EFR3A: variants seen among roughly 807,000 people sequenced by gnomAD.
EFR3A encodes EFR3 homolog A.
EFR3A carries 76 observed loss-of-function variants against 104.4 expected under a neutral mutation model. That is an observed-to-expected ratio of 0.73 (90% CI 0.60 to 0.88). The LOEUF (loss-of-function observed/expected upper bound fraction) is 0.88, where lower values mean the gene tolerates loss of function less well. Among genes scored for constraint, EFR3A ranks in the 40% least tolerant of loss-of-function variants. The pLI is 0.00. For missense variants in EFR3A, 985 were observed against 1,012.5 expected (o/e 0.97, Z 0.37); for synonymous variants, 330 against 330.0 (o/e 1.00, Z 0.00).
intron 4 of EFR3A, among the ~76,000 whole-genome samples, chr8:131,947,916 C>T (rs1818515482): frequency 6.6e-6 from 1 of 152,092 alleles, no homozygotes. Context: ...CTGCTCACCA[C>T]ATTCATTTTC....
chr8:131,949,571 A>C (rs1312721112), intron 4 of EFR3A, among the ~76,000 whole-genome samples: 1 of 152,126 alleles, frequency 6.6e-6, no homozygotes, highest in Non-Finnish European at 1.5e-5. Context: ...TGGGAGGCCA[A>C]GGCAGGAGGA....
At chr8:131,939,045 C>A (rs943688444) in intron 1 of EFR3A, among the ~76,000 whole-genome samples, 1 of 152,012 alleles carries the variant, frequency 6.6e-6, no homozygotes, top group African/African-American at 2.4e-5. Context: ...GATTTTTATG[C>A]TATTGGGAAT....
At chr8:131,965,477 C>T (rs1444661692) in intron 8 of EFR3A, among the ~76,000 whole-genome samples, 1 of 152,152 alleles carries the variant, frequency 6.6e-6, no homozygotes. Context: ...TCATCACTGG[C>T]CATCAGATAA....
At position 131,976,145 on chromosome 8, in the gene EFR3A, T is replaced by C. The variant is rs1457714941; in HGVS notation, c.1274+4T>C. 3 of 1,512,804 alleles carry C rather than the reference T, an allele frequency of 2.0e-6. No individual in the cohort carries two copies. Among genetic ancestry groups the C allele is most frequent in the African/African-American group, 1.4e-5 (1 of 73,084 alleles). The allele number at this position is 1,512,804 out of a possible 1,614,324, so 93.7% of individuals were successfully genotyped here. On this transcript the variant is annotated splice_donor_region_variant and intron_variant, in intron 11 of 22. Coordinates refer to ENST00000254624, the MANE Select transcript of EFR3A (RefSeq NM_015137.6). ...CTTTGGATATCAGTCAACTAGGGTA[T>C]GTTCTCAGACTGTAAATTTGAACTT... is the stretch of plus-strand genomic sequence containing the variant.
At chr8:131,952,091 TTAACTC>T (rs979081455) in intron 5 of EFR3A, among the ~76,000 whole-genome samples, 4 of 152,046 alleles carry the variant, frequency 2.6e-5, no homozygotes, top group Admixed American at 6.6e-5. Context: ...ATCACAATCT[TTAACTC>T]TAATTTTCTG....
In EFR3A at chr8:132,010,812, A is replaced by G. The variant is rs1448794477; in HGVS notation, c.2383A>G (p.Thr795Ala). Residue 795 changes from threonine (T) to alanine (A), a missense_variant, in exon 23 of 23, where the codon ACA (threonine) becomes GCA (alanine). Coordinates refer to ENST00000254624, the MANE Select transcript of EFR3A (RefSeq NM_015137.6). Reference protein sequence around the residue: ...TIRPPPSPSGTLTITSGHAQY... With the variant: ...TIRPPPSPSGALTITSGHAQY... Reference sequence around the variant, plus strand: ...TAGTCCTCCTCCCAGTCCATCAGGAACACTGACCATTACTTCTGGGCATGC... The same window carrying G: ...TAGTCCTCCTCCCAGTCCATCAGGAGCACTGACCATTACTTCTGGGCATGC... 2 of 1,612,444 alleles carry G rather than the reference A, an allele frequency of 1.2e-6. No individual in the cohort carries two copies. The highest frequency in any genetic ancestry group is 2.2e-5 in the East Asian group (1 of 44,832).
At chr8:131,951,085 A>T (rs1388298563) in intron 5 of EFR3A, among the ~76,000 whole-genome samples, 2 of 152,178 alleles carry the variant, frequency 1.3e-5, no homozygotes, top group Non-Finnish European at 2.9e-5. Flanking sequence ...TTATTTTAAG[A>T]TAATTAAAGG....
intron 18 of EFR3A, 156 bp from the exon 19 acceptor site, chr8:131,996,250 C>T (rs974577666): frequency 3.4e-5 from 16 of 472,024 alleles, no homozygotes; most frequent in Non-Finnish European, 4.8e-5. Context: ...TGTAAAAGTC[C>T]GAGAACACGC....
Position 132,013,393 on chromosome 8 carries a change from C to T in EFR3A, c.*2498C>T, listed in dbSNP as rs969444713. ...CTCATTATCTTTTAGAATAATAATA[C>T]TACTACACTTTACCAGCAATTAACT... On this transcript the variant is annotated 3_prime_UTR_variant, in exon 23 of 23. Transcript: ENST00000254624. 6.6e-6 allele frequency: 1 copy of T among 152,516 alleles called. No individual in the cohort carries two copies. The highest frequency in any genetic ancestry group is 6.6e-5 in the Admixed American group (1 of 15,250). 9.4% of individuals were successfully genotyped at this position (152,516 alleles called of 1,614,324 possible).
chr8:131,930,469 C>T (rs1212736866), intron 1 of EFR3A, among the ~76,000 whole-genome samples: 1 of 151,414 alleles, frequency 6.6e-6, no homozygotes, highest in Non-Finnish European at 1.5e-5. Flanking sequence ...AACATATCAG[C>T]ACAATCTTAA....
chr8:132,005,427 A>T (rs1032004391), intron 22 of EFR3A, among the ~76,000 whole-genome samples: 4 of 145,590 alleles, frequency 2.7e-5, no homozygotes, highest in African/African-American at 1.0e-4. Context: ...GAGTATGGTT[A>T]AAAAAAAAAA....
intron 22 of EFR3A, among the ~76,000 whole-genome samples, chr8:132,006,781 G>A (rs1016332028): frequency 2.6e-5 from 4 of 151,900 alleles, no homozygotes; most frequent in Non-Finnish European, 5.9e-5. Context: ...CAAAATGTTA[G>A]CAAATGTATA....
At chr8:132,007,175 GAA>G (rs1822094867) in intron 22 of EFR3A, among the ~76,000 whole-genome samples, 1 of 151,740 alleles carries the variant, frequency 6.6e-6, no homozygotes. Context: ...ATAAAGATGA[GAA>G]AGGAAGAAAT....
Position 131,961,713 on chromosome 8 carries a change from A to G in EFR3A, c.855+2050A>G, listed in dbSNP as rs555164985. Among the ~76,000 whole-genome samples, 7 of 152,322 alleles carry G rather than the reference A, an allele frequency of 4.6e-5. No individual in the cohort carries two copies. In the South Asian group the frequency reaches 6.2e-4, roughly 14 times the overall value. On this transcript the variant is annotated intron_variant, in intron 8 of 22. Coordinates refer to ENST00000254624, the MANE Select transcript of EFR3A (RefSeq NM_015137.6). ...AGATTCAGGAAATACAGAGAATGCCACAAAGATACTCCTCGAGAAGAGCAA... is the reference window on the plus strand; with the variant it reads ...AGATTCAGGAAATACAGAGAATGCCGCAAAGATACTCCTCGAGAAGAGCAA...
At chr8:131,988,584 C>T (rs1170521707) in intron 18 of EFR3A, among the ~76,000 whole-genome samples, 1 of 151,886 alleles carries the variant, frequency 6.6e-6, no homozygotes, top group Non-Finnish European at 1.5e-5. Flanking sequence ...TCCTCAGGAA[C>T]TCCTTGAGGA....
chr8:132,003,691 T>C (rs1337793473), intron 22 of EFR3A, among the ~76,000 whole-genome samples: 1 of 152,218 alleles, frequency 6.6e-6, no homozygotes, highest in Non-Finnish European at 1.5e-5. Flanking sequence ...CAGTAATAAG[T>C]CTACTTATGC....
intron 1 of EFR3A, among the ~76,000 whole-genome samples, chr8:131,926,455 G>A (rs1376740420): frequency 6.6e-6 from 1 of 151,966 alleles, no homozygotes; most frequent in Non-Finnish European, 1.5e-5. Flanking sequence ...TATTTCGTGT[G>A]GTCAAAGCTT....
intron 18 of EFR3A, among the ~76,000 whole-genome samples, chr8:131,995,116 G>C (rs1444645699): frequency 6.6e-6 from 1 of 152,120 alleles, no homozygotes; most frequent in African/African-American, 2.4e-5. Flanking sequence ...TATTATCTTT[G>C]AAAGACAGTG....
intron 1 of EFR3A, among the ~76,000 whole-genome samples, chr8:131,918,787 A>G (rs1816860848): frequency 6.6e-6 from 1 of 152,200 alleles, no homozygotes; most frequent in African/African-American, 2.4e-5. Context: ...CAGATTTAAC[A>G]CTTTTGTTGC....
Sources: gnomAD v4.1 joint callset for allele counts (sites outside exome capture counted in the v4.1 genomes callset) on GRCh38, gnomAD v4.1.1 for gene constraint, MANE v1.5 for transcripts, NCBI Gene and HGNC (gene_info 2026-07-23, HGNC 2026-07-21) for gene names.